The following CNTN1 variants were observed in gnomAD, a reference collection of about 807,000 sequenced individuals.
CNTN1 encodes the protein contactin-1.
Under a neutral mutation model 126.4 loss-of-function variants are expected in CNTN1, and 38 were observed. That is an observed-to-expected ratio of 0.30 (90% CI 0.23 to 0.39). CNTN1 has a LOEUF of 0.39. Among genes scored for constraint, CNTN1 ranks in the 10% least tolerant of loss-of-function variants. The pLI is 1.00. For missense variants in CNTN1, 1,009 were observed against 1,248.4 expected (o/e 0.81, Z 2.89); for synonymous variants, 413 against 422.6 (o/e 0.98, Z 0.28).
chr12:40,951,810 T>C (rs1471896418), intron 14 of CNTN1, among the ~76,000 whole-genome samples: 1 of 151,350 alleles, frequency 6.6e-6, no homozygotes, highest in Non-Finnish European at 1.5e-5. Context: ...TTCAAGCTAA[T>C]GTCTTTAGAA....
chr12:40,994,327 A>G (rs1001912253), intron 17 of CNTN1, among the ~76,000 whole-genome samples: 1 of 152,128 alleles, frequency 6.6e-6, no homozygotes, highest in Non-Finnish European at 1.5e-5. Context: ...ATCACAGAAA[A>G]TTAATTAAAC....
chr12:41,022,949 A>G (rs1409570742), intron 20 of CNTN1, among the ~76,000 whole-genome samples: 2 of 152,154 alleles, frequency 1.3e-5, no homozygotes, highest in Non-Finnish European at 2.9e-5. Context: ...CAAAGAGACA[A>G]GCACGAACAC....
chr12:40,814,074 T>TAGGGA (rs1941179056), intron 1 of CNTN1, among the ~76,000 whole-genome samples: 1 of 152,204 alleles, frequency 6.6e-6, no homozygotes, highest in Non-Finnish European at 1.5e-5. Context: ...ACGTTTAAGT[T>TAGGGA]CCCTATAAAT....
intron 1 of CNTN1, among the ~76,000 whole-genome samples, chr12:40,742,003 T>C (rs1459894849): frequency 6.6e-5 from 10 of 152,062 alleles, no homozygotes. Flanking sequence ...TTTCAAAACT[T>C]CCAAGAGTTT....
At position 40,971,652 on chromosome 12, in the gene CNTN1, C is replaced by T; in HGVS notation, c.1805-9257C>T. 2.7e-6 allele frequency: 4 copies of T among 1,462,116 alleles called. No individual in the cohort carries two copies. The South Asian group carries it at 5.7e-5, about 21-fold the overall frequency. 90.6% of individuals were successfully genotyped at this position (1,462,116 alleles called of 1,614,324 possible). ...TTAGAGTATGTTTCCCCTTTTGAAA[C>T]ATGTAAACATACTTTGGGCATAAAT... On this transcript the variant is annotated intron_variant, in intron 15 of 23. Coordinates refer to ENST00000551295, the MANE Select transcript of CNTN1 (RefSeq NM_001843.4).
chr12:40,919,926 C>T (rs936367453), intron 4 of CNTN1, among the ~76,000 whole-genome samples: 1 of 152,068 alleles, frequency 6.6e-6, no homozygotes, highest in Non-Finnish European at 1.5e-5. Context: ...TTGTCATTGA[C>T]ATGGAATAGT....
intron 1 of CNTN1, among the ~76,000 whole-genome samples, chr12:40,763,354 G>T (rs1458237570): frequency 6.6e-6 from 1 of 152,192 alleles, no homozygotes; most frequent in East Asian, 1.9e-4. Context: ...TTGAGCAAAG[G>T]TCAGGAAAGA....
intron 1 of CNTN1, among the ~76,000 whole-genome samples, chr12:40,702,200 T>C (rs1941613749): frequency 6.6e-6 from 1 of 151,632 alleles, no homozygotes; most frequent in Non-Finnish European, 1.5e-5. Flanking sequence ...CCTCCCAGAG[T>C]ACTGGGATTA....
intron 1 of CNTN1, among the ~76,000 whole-genome samples, chr12:40,839,584 C>G (rs966798104): frequency 6.6e-6 from 1 of 152,126 alleles, no homozygotes; most frequent in Non-Finnish European, 1.5e-5. Context: ...GCAGATTTGT[C>G]AGTTGAACAC....
intron 6 of CNTN1, among the ~76,000 whole-genome samples, chr12:40,926,827 A>G (rs1440870033): frequency 6.6e-6 from 1 of 152,150 alleles, no homozygotes; most frequent in Non-Finnish European, 1.5e-5. Context: ...GGAAAAGCCA[A>G]TAGGATTTGC....
intron 6 of CNTN1, among the ~76,000 whole-genome samples, chr12:40,929,074 G>A (rs149085667): frequency 3.2e-4 from 49 of 151,844 alleles, no homozygotes; most frequent in African/African-American, 1.1e-3. Context: ...ATGACTCCTG[G>A]GGAGTCATTC....
At chr12:41,023,735 A>G (rs1265505820) in intron 20 of CNTN1, among the ~76,000 whole-genome samples, 2 of 152,224 alleles carry the variant, frequency 1.3e-5, no homozygotes, top group Admixed American at 1.3e-4. Context: ...TTAAATTATT[A>G]TGGTGAGCCG....
chr12:40,906,986 A>G (rs1272505948), intron 1 of CNTN1, among the ~76,000 whole-genome samples: 8 of 152,056 alleles, frequency 5.3e-5, no homozygotes, highest in African/African-American at 1.9e-4. Context: ...CCCATGCTCT[A>G]TCTTAATTTA....
chr12:41,056,396 G>A (rs1270551557), intron 23 of CNTN1, among the ~76,000 whole-genome samples: 1 of 152,086 alleles, frequency 6.6e-6, no homozygotes, highest in Non-Finnish European at 1.5e-5. Flanking sequence ...ACTAAAGCAT[G>A]TGCTCTTAAT....
At chr12:40,963,062 ACCTTCAACCAGCCC>A (rs1455812735) in intron 15 of CNTN1, among the ~76,000 whole-genome samples, 2 of 152,064 alleles carry the variant, frequency 1.3e-5, no homozygotes, top group African/African-American at 4.8e-5. Context: ...GAAATAGGAC[ACCTTCAACCAGCCC>A]CCTAAGGATT....
At chr12:40,941,355 T>A (rs1946258226) in intron 12 of CNTN1, among the ~76,000 whole-genome samples, 1 of 152,118 alleles carries the variant, frequency 6.6e-6, no homozygotes, top group African/African-American at 2.4e-5. Flanking sequence ...AATTTTGGTG[T>A]CTATTTTGAA....
intron 1 of CNTN1, among the ~76,000 whole-genome samples, chr12:40,702,341 A>C (rs1941619301): frequency 6.6e-6 from 1 of 152,204 alleles, no homozygotes. Context: ...GAATGCCCCC[A>C]AAATATACAT....
At chr12:41,015,889 C>T (rs1187169613) in intron 18 of CNTN1, among the ~76,000 whole-genome samples, 2 of 152,104 alleles carry the variant, frequency 1.3e-5, no homozygotes, top group African/African-American at 4.8e-5. Context: ...TGACAAGAAA[C>T]CTTGAGAAAA....
intron 23 of CNTN1, among the ~76,000 whole-genome samples, chr12:41,047,310 A>T (rs2120998966): frequency 6.6e-6 from 1 of 152,100 alleles, no homozygotes; most frequent in Admixed American, 6.6e-5. Flanking sequence ...GTTCCCTCTA[A>T]AACTCACCAT....
Sources: gnomAD v4.1 joint callset for allele counts (sites outside exome capture counted in the v4.1 genomes callset) on GRCh38, gnomAD v4.1.1 for gene constraint, MANE v1.5 for transcripts, NCBI Gene and HGNC (gene_info 2026-07-23, HGNC 2026-07-21) for gene names.